The following CFAP100 variants were observed in gnomAD, a reference collection of about 807,000 sequenced individuals.
CFAP100 encodes cilia- and flagella-associated protein 100.
A neutral mutation model predicts 81.5 loss-of-function variants in CFAP100; 70 were observed. That is an observed-to-expected ratio of 0.86 (90% CI 0.71 to 1.05). CFAP100 has a LOEUF of 1.05. Ranked by LOEUF, CFAP100 falls within the 50% of genes least tolerant of loss-of-function variation. The pLI, the probability that CFAP100 is intolerant of heterozygous loss-of-function variation, is 0.00. For missense variants in CFAP100, 811 were observed against 776.5 expected (o/e 1.04, Z -0.53); for synonymous variants, 341 against 314.8 (o/e 1.08, Z -0.88).
chr3:126,415,735 G>A (rs2083225348), intron 4 of CFAP100, among the ~76,000 whole-genome samples: 1 of 152,162 alleles, frequency 6.6e-6, no homozygotes, highest in South Asian at 2.1e-4. Flanking sequence ...TGTGAGAACA[G>A]GACAGCAAGA....
At chr3:126,428,328 A>G (rs1279767352) in intron 13 of CFAP100, among the ~76,000 whole-genome samples, 1 of 152,060 alleles carries the variant, frequency 6.6e-6, no homozygotes. Context: ...GGGAAACTAA[A>G]AGAATCAGTG....
chr3:126,398,202 T>A (rs928696914), intron 2 of CFAP100, among the ~76,000 whole-genome samples: 2 of 152,164 alleles, frequency 1.3e-5, no homozygotes, highest in African/African-American at 4.8e-5. Context: ...GGGTGGGGGC[T>A]GCAGGAATGC....
Position 126,418,667 on chromosome 3 carries a change from A to G in CFAP100, c.543A>G (p.Lys181=). Residue 181 remains lysine (K), a synonymous_variant, in exon 7 of 17, where the codon AAA becomes AAG. Transcript: ENST00000352312. ...EIQRLETLAT[K]EEARLERAEK... is the part of the protein sequence containing the mutation. The stretch of plus-strand genomic sequence containing the variant: ...AGCGGCTGGAGACGCTGGCGACCAA[A>G]GAGGAGGCCAGGCTGGAGCGGGCCG... 1 of 1,583,182 alleles carries G rather than the reference A, an allele frequency of 6.3e-7. No homozygotes were observed.
At chr3:126,422,377 G>C (rs1322472816) in intron 11 of CFAP100, among the ~76,000 whole-genome samples, 9 of 152,244 alleles carry the variant, frequency 5.9e-5, no homozygotes, top group African/African-American at 2.2e-4. Context: ...TGGATCTGCT[G>C]TCAGAGTCCC....
chr3:126,404,485 G>T (rs1053139849), intron 2 of CFAP100, among the ~76,000 whole-genome samples: 1 of 152,110 alleles, frequency 6.6e-6, no homozygotes, highest in Non-Finnish European at 1.5e-5. Context: ...CTCGCTAAGG[G>T]GTCCTTTTCT....
chr3:126,407,270 A>G lies in CFAP100; in HGVS notation c.130+18A>G. On this transcript the variant is annotated intron_variant, in intron 3 of 16. Transcript: ENST00000352312. ...AAACGAAGGTAACCTTCAAGCTGGG[A>G]GGCTAAAGTCCAAGTTGGCAGGAGG... 1 of 1,600,986 alleles carries G rather than the reference A, an allele frequency of 6.2e-7. No homozygotes were observed. The highest frequency in any genetic ancestry group is 8.6e-7 in the Non-Finnish European group (1 of 1,169,390).
Position 126,407,254 on chromosome 3 carries a change from TA to T in CFAP100, c.130+4del, listed in dbSNP as rs753238928. Reference sequence around the variant, plus strand: ...AGAAACAGGCAAGAAAAAACGAAGGTAACCTTCAAGCTGGGAGGCTAAAGTC... The same window carrying T: ...AGAAACAGGCAAGAAAAAACGAAGGTACCTTCAAGCTGGGAGGCTAAAGTC... On this transcript the variant is annotated splice_donor_region_variant and intron_variant, in intron 3 of 16. Coordinates refer to ENST00000352312, the MANE Select transcript of CFAP100 (RefSeq NM_182628.3). The T allele has an allele frequency of 2.0e-5, 32 of 1,611,468 alleles. No individual in the cohort carries two copies. In the African/African-American group the frequency reaches 4.3e-4, roughly 22 times the overall value.
chr3:126,423,372 G>A lies in CFAP100; in HGVS notation c.1130G>A (p.Gly377Glu), dbSNP rs1199223297. ...PPTQEDTDSD[G>E]EEPQLYFTEP... is the part of the protein sequence containing the mutation. ...ACGCAGGAGGACACCGACAGCGATG[G>A]GGAGGTGAATGGCCCAGTGCTGGGC... is the stretch of plus-strand genomic sequence containing the variant. Residue 377 changes from glycine to glutamate, a missense_variant, in exon 12 of 17, where the codon GGG (glycine) becomes GAG (glutamate). Coordinates refer to ENST00000352312, the MANE Select transcript of CFAP100 (RefSeq NM_182628.3). 1.2e-6 allele frequency: 2 copies of A among 1,613,538 alleles called. No homozygotes were observed. Among genetic ancestry groups the A allele is most frequent in the East Asian group, 2.2e-5 (1 of 44,870 alleles).
chr3:126,395,981 C>T lies in CFAP100; in HGVS notation c.-20C>T, dbSNP rs2082881158. On this transcript the variant is annotated 5_prime_UTR_variant, in exon 2 of 17. Transcript: ENST00000352312. ...TAGAAGAGGAGAAGCCTTGCATCAACCTCTTGGGCCTCAGCCAAGATGTCT... is the reference window on the plus strand; with the variant it reads ...TAGAAGAGGAGAAGCCTTGCATCAATCTCTTGGGCCTCAGCCAAGATGTCT... The T allele has an allele frequency of 6.2e-7, 1 of 1,610,026 alleles. No homozygotes were observed. Among genetic ancestry groups the T allele is most frequent in the Non-Finnish European group, 8.5e-7 (1 of 1,176,330 alleles).
Position 126,400,568 on chromosome 3 carries a change from A to G in CFAP100, c.49+4519A>G, listed in dbSNP as rs181368778. Among the ~76,000 whole-genome samples, 6 of 152,288 alleles carry G rather than the reference A, an allele frequency of 3.9e-5. No individual in the cohort carries two copies. The East Asian group carries it at 1.2e-3, about 29-fold the overall frequency. On this transcript the variant is annotated intron_variant, in intron 2 of 16. Coordinates refer to ENST00000352312, the MANE Select transcript of CFAP100 (RefSeq NM_182628.3). ...GGAGATTGAGACCATCCTGGCTAACATGGTGAAACCCTGTCTCTACTAAAA... is the reference window on the plus strand; with the variant it reads ...GGAGATTGAGACCATCCTGGCTAACGTGGTGAAACCCTGTCTCTACTAAAA...
rs1284359742 is a variant in CFAP100 at position 126,399,183 on chromosome 3, G to A, written c.49+3134G>A. Among the ~76,000 whole-genome samples the A allele has an allele frequency of 3.3e-5, 5 of 152,264 alleles. No homozygotes were observed. The East Asian group carries it at 5.8e-4, about 18-fold the overall frequency. On this transcript the variant is annotated intron_variant, in intron 2 of 16. Transcript: ENST00000352312. ...CCCTGTTTCATTTTCTCAGTGGCAC[G>A]TTCTACCCTCTGGCCTTTTGACCCT...
chr3:126,400,378 CAGGTG>C (rs2082954303), intron 2 of CFAP100, among the ~76,000 whole-genome samples: 2 of 152,222 alleles, frequency 1.3e-5, no homozygotes, highest in South Asian at 4.1e-4. Context: ...ACAAAAATAA[CAGGTG>C]TTGGCGAGGA....
chr3:126,407,102 C>A, intron 2 of CFAP100, 70 bp from the exon 3 acceptor site: 1 of 1,066,852 alleles, frequency 9.4e-7, no homozygotes, highest in Non-Finnish European at 1.4e-6. Context: ...TTCCCCGCCT[C>A]AGGCTGTGTT....
chr3:126,419,475 GGTGC>G (rs2083294244), intron 8 of CFAP100, among the ~76,000 whole-genome samples, 158 bp from the exon 9 acceptor site: 1 of 152,140 alleles, frequency 6.6e-6, no homozygotes, highest in African/African-American at 2.4e-5. Flanking sequence ...TTGCAGGGTG[GGTGC>G]CTGTCTTCCA....
chr3:126,401,921 A>G (rs1489790387), intron 2 of CFAP100, among the ~76,000 whole-genome samples: 2 of 151,882 alleles, frequency 1.3e-5, no homozygotes, highest in African/African-American at 4.8e-5. Context: ...TGCCTCCATG[A>G]CCCCACGCTG....
At position 126,436,371 on chromosome 3, in the gene CFAP100, G is replaced by A. The variant is rs766157440; in HGVS notation, c.1803G>A (p.Lys601=). ...KQQSEHTLMD[K]EEEELLFFFT ...AGTCTGAGCACACACTGATGGACAA[G>A]GAGGAGGAGGAGCTGCTATTTTTCT... The change falls in exon 17 of 17, where the codon AAG becomes AAA. Residue 601 remains lysine, a synonymous_variant. Transcript: ENST00000352312. 3.1e-6 allele frequency: 5 copies of A among 1,610,870 alleles called. No homozygotes were observed. In the East Asian group the frequency reaches 1.1e-4, roughly 36 times the overall value.
intron 4 of CFAP100, 138 bp downstream of exon 4, chr3:126,414,317 T>G (rs777193261): frequency 1.3e-6 from 1 of 764,848 alleles, no homozygotes; most frequent in South Asian, 1.4e-5. Context: ...AGCTCACCAC[T>G]TACTATAAAA....
At chr3:126,429,255 G>C (rs1933087453) in intron 13 of CFAP100, among the ~76,000 whole-genome samples, 1 of 151,630 alleles carries the variant, frequency 6.6e-6, no homozygotes, top group Non-Finnish European at 1.5e-5. Flanking sequence ...ATTTGTTATT[G>C]ATCTGTTAAG....
At chr3:126,434,606 G>A in intron 15 of CFAP100, 3 of 547,236 alleles carry the variant, frequency 5.5e-6, no homozygotes, top group Non-Finnish European at 9.8e-6. Flanking sequence ...ACTCGATGTG[G>A]CCAGGAGGCT....
Sources: allele counts gnomAD v4.1 joint callset (sites outside exome capture counted in the v4.1 genomes callset), GRCh38; gene constraint gnomAD v4.1.1; transcripts MANE v1.5; gene names NCBI Gene and HGNC (gene_info 2026-07-23, HGNC 2026-07-21).